Variants in ZNF44 observed in about 807,000 individuals in gnomAD.
The protein encoded by ZNF44 is zinc finger protein 44.
A neutral mutation model predicts 11.7 loss-of-function variants in ZNF44; 9 were observed. The ratio of observed to expected loss-of-function variants is 0.77; its 90% CI spans 0.46 to 1.35. The LOEUF (loss-of-function observed/expected upper bound fraction) is 1.35. Among genes scored for constraint, ZNF44 ranks in the 40% most tolerant of loss-of-function variants. ZNF44 has a pLI of 0.00. For synonymous variants in ZNF44, 224 were observed against 242.7 expected (o/e 0.92, Z 0.72); for missense variants, 696 against 743.1 (o/e 0.94, Z 0.74).
At chr19:12,232,516 G>C (rs1435084865) in intron 2 of ZNF44, among the ~76,000 whole-genome samples, 1 of 152,138 alleles carries the variant, frequency 6.6e-6, no homozygotes, top group Non-Finnish European at 1.5e-5. Flanking sequence ...GTGTCCCTGG[G>C]TACTTGAGAT....
exon 8 of ZNF44, chr19:12,248,177 C>G: frequency 1.5e-6 from 2 of 1,307,682 alleles, no homozygotes; most frequent in Non-Finnish European, 2.0e-6. Context: ...TGAAGGGTTT[C>G]CCACATTCCT....
chr19:12,282,418 C>CGTCT (rs1967509775), intron 1 of ZNF44, among the ~76,000 whole-genome samples: 1 of 119,208 alleles, frequency 8.4e-6, no homozygotes, highest in Non-Finnish European at 1.7e-5. Flanking sequence ...TTGGAGAAGT[C>CGTCT]TTCTTTTTTT....
At chr19:12,243,859 T>C (rs957521725), downstream of ZNF44, among the ~76,000 whole-genome samples, 1 of 152,200 alleles carries the variant, frequency 6.6e-6, no homozygotes, top group African/African-American at 2.4e-5. Flanking sequence ...CTTGCATGTA[T>C]GAGGTAACAT....
intron 1 of ZNF44, among the ~76,000 whole-genome samples, 168 bp downstream of exon 1, chr19:12,294,524 C>A (rs1027984412): frequency 6.6e-6 from 1 of 152,202 alleles, no homozygotes; most frequent in Non-Finnish European, 1.5e-5. Flanking sequence ...GCTGCCGGCC[C>A]AGCCCCACCC....
chr19:12,273,852 C>G lies in ZNF44; in HGVS notation c.403G>C (p.Glu135Gln), dbSNP rs1455046613. The part of the protein sequence containing the change: ...DTGHKHRECH[E>Q]YAEKSYTHKQ... ...TGTGTATATGACTTCTCTGCATATT[C>G]ATGACACTCCCGGTGTTTGTGTCCA... Residue 135 changes from glutamate (E) to glutamine (Q), a missense_variant, in exon 4 of 4, where the codon GAA (glutamate) becomes CAA (glutamine). Transcript: ENST00000355684. The G allele has an allele frequency of 7.4e-6, 12 of 1,614,178 alleles. No homozygotes were observed. The highest frequency in any genetic ancestry group is 1.3e-5 in the African/African-American group (1 of 75,058).
At chr19:12,294,033 C>T (rs1399170216) in intron 1 of ZNF44, among the ~76,000 whole-genome samples, 1 of 151,346 alleles carries the variant, frequency 6.6e-6, no homozygotes, top group South Asian at 2.1e-4. Context: ...TCACAGCAGA[C>T]GCTGACCGCC....
At chr19:12,260,967 G>A (rs771892347) in intron 5 of ZNF44, among the ~76,000 whole-genome samples, 3 of 152,202 alleles carry the variant, frequency 2.0e-5, no homozygotes, top group Admixed American at 6.5e-5. Flanking sequence ...CTAGAAGGGC[G>A]AGGCTGCAAT....
At chr19:12,255,736 G>T (rs776458727) in intron 5 of ZNF44, among the ~76,000 whole-genome samples, 47 of 152,168 alleles carry the variant, frequency 3.1e-4, no homozygotes, top group Non-Finnish European at 5.0e-4. Context: ...ACAAGAAGGG[G>T]GTGCTAAAGC....
At chr19:12,285,012 G>C (rs1439242291) in intron 1 of ZNF44, 1 of 705,696 alleles carries the variant, frequency 1.4e-6, no homozygotes, top group African/African-American at 1.7e-5. Flanking sequence ...GGGCAACTTC[G>C]CCAAGGCCAC....
chr19:12,291,948 TAC>T (rs1168712105), intron 1 of ZNF44, among the ~76,000 whole-genome samples: 1 of 146,766 alleles, frequency 6.8e-6, no homozygotes, highest in Non-Finnish European at 1.5e-5. Flanking sequence ...ACCAAGATAG[TAC>T]CATTGCACTC....
chr19:12,275,802 G>C (rs1967195947), intron 2 of ZNF44, among the ~76,000 whole-genome samples, 154 bp downstream of exon 2: 1 of 152,188 alleles, frequency 6.6e-6, no homozygotes, highest in African/African-American at 2.4e-5. Flanking sequence ...AAGATTATAT[G>C]AGGACATACA....
At chr19:12,294,412 T>TG (rs1968154048) in intron 1 of ZNF44, among the ~76,000 whole-genome samples, 1 of 152,210 alleles carries the variant, frequency 6.6e-6, no homozygotes, top group Non-Finnish European at 1.5e-5. Context: ...CCGCACAATC[T>TG]GGGGAGAAGC....
intron 2 of ZNF44, among the ~76,000 whole-genome samples, chr19:12,232,842 G>A (rs1916221046): frequency 1.3e-5 from 2 of 152,114 alleles, no homozygotes; most frequent in Admixed American, 6.5e-5. Flanking sequence ...TCCAAGAGAG[G>A]AAGAGATTCC....
intron 5 of ZNF44, among the ~76,000 whole-genome samples, chr19:12,257,330 C>T (rs928773848): frequency 6.6e-6 from 1 of 152,028 alleles, no homozygotes; most frequent in African/African-American, 2.4e-5. Context: ...TGCAACAGTC[C>T]ACTTTGAGGC....
chr19:12,284,118 AAGAG>A (rs1967610391), intron 1 of ZNF44, among the ~76,000 whole-genome samples: 1 of 152,246 alleles, frequency 6.6e-6, no homozygotes, highest in African/African-American at 2.4e-5. Flanking sequence ...CTAAAACAAA[AAGAG>A]AGAAACAAAG....
chr19:12,245,912 G>C (rs1916757791), downstream of ZNF44, among the ~76,000 whole-genome samples: 1 of 152,124 alleles, frequency 6.6e-6, no homozygotes, highest in South Asian at 2.1e-4. Flanking sequence ...CTGATACTTT[G>C]TCCTGACAAT....
downstream of ZNF44, among the ~76,000 whole-genome samples, chr19:12,246,572 T>C (rs1487009459): frequency 6.6e-6 from 1 of 152,172 alleles, no homozygotes; most frequent in African/African-American, 2.4e-5. Context: ...TTAACTGACT[T>C]AAGGAATTTT....
intron 1 of ZNF44, among the ~76,000 whole-genome samples, chr19:12,292,855 G>GTTTTTTTTTTTTTTTTTTTTT (rs71166664): frequency 1.3e-5 from 1 of 76,916 alleles, no homozygotes; most frequent in African/African-American, 4.9e-5. Context: ...CAGAGGTTAG[G>GTTTTTTTTTTTTTTTTTTTTT]TTTTTTTTTT....
downstream of ZNF44, among the ~76,000 whole-genome samples, chr19:12,246,139 G>C (rs1275140508): frequency 1.3e-5 from 2 of 152,124 alleles, no homozygotes. Flanking sequence ...TTCATGTCAG[G>C]CTACTGCTGA....
Sources: allele counts gnomAD v4.1 joint callset (sites outside exome capture counted in the v4.1 genomes callset), GRCh38; gene constraint gnomAD v4.1.1; transcripts MANE v1.5; gene names NCBI Gene and HGNC (gene_info 2026-07-23, HGNC 2026-07-21).